The following FREM2 variants were observed in gnomAD, a reference collection of about 807,000 sequenced individuals.
The protein encoded by FREM2 is FRAS1 related extracellular matrix 2.
FREM2 carries 119 observed loss-of-function variants against 219.9 expected under a neutral mutation model. The ratio of observed to expected loss-of-function variants is 0.54; its 90% CI spans 0.47 to 0.63. The LOEUF is 0.63. FREM2 is among the 30% of genes least tolerant of loss of function. The probability of loss-of-function intolerance (pLI) is 0.00; values close to 1 mark genes in which losing one functional copy is unlikely to be tolerated. For synonymous variants in FREM2, 1,562 were observed against 1,522.8 expected, an observed-to-expected ratio of 1.03 and a Z score of -0.60; for missense variants, 4,030 against 3,993.6, an observed-to-expected ratio of 1.01 and a Z score of -0.25.
At position 38,688,352 on chromosome 13, in the gene FREM2, G is replaced by C. The variant is rs1869601475; in HGVS notation, c.1008G>C (p.Thr336=). ...TGGAGGTGGACCAGTTTGTACTGAC[G>C]GCCCTGACCCCAGACATGCTGGCAG... ...MMMEVDQFVL[T]ALTPDMLAAE... Residue 336 remains threonine (T), a synonymous_variant, in exon 1 of 24, where the codon ACG becomes ACC. Transcript: ENST00000280481. 6.8e-6 allele frequency: 11 copies of C among 1,614,162 alleles called. No homozygotes were observed. Among genetic ancestry groups the C allele is most frequent in the Non-Finnish European group, 9.3e-6 (11 of 1,180,026 alleles).
chr13:38,754,502 C>A (rs1010438490), intron 2 of FREM2, among the ~76,000 whole-genome samples: 1 of 152,130 alleles, frequency 6.6e-6, no homozygotes. Flanking sequence ...CACTTGAATG[C>A]TACATCTACC....
chr13:38,764,689 G>A (rs1015991146), intron 3 of FREM2, among the ~76,000 whole-genome samples: 7 of 152,108 alleles, frequency 4.6e-5, no homozygotes, highest in African/African-American at 7.2e-5. Flanking sequence ...AATAAGTTAC[G>A]AAACAAAAAT....
intron 2 of FREM2, among the ~76,000 whole-genome samples, chr13:38,703,724 T>G (rs1332591994): frequency 4.6e-5 from 7 of 152,198 alleles, no homozygotes; most frequent in African/African-American, 1.7e-4. Flanking sequence ...ATTCTTTAGA[T>G]TCATTCCAAA....
At position 38,703,747 on chromosome 13, in the gene FREM2, A is replaced by G. The variant is rs557214255; in HGVS notation, c.5263+5960A>G. Among the ~76,000 whole-genome samples the G allele has an allele frequency of 1.2e-4, 19 of 152,312 alleles. No homozygotes were observed. In the East Asian group the frequency reaches 3.7e-3, roughly 29 times the overall value. The stretch of plus-strand genomic sequence containing the variant: ...GATTCATTCCAAAATTATACATTAT[A>G]TGAATATACTGTTTTCATTGGCTTT... On this transcript the variant is annotated intron_variant, in intron 2 of 23. Transcript: ENST00000280481.
intron 2 of FREM2, among the ~76,000 whole-genome samples, chr13:38,747,197 A>T (rs1390415067): frequency 5.3e-5 from 8 of 152,116 alleles, no homozygotes. Context: ...TCACTTTGTT[A>T]TCATTAAGGT....
At chr13:38,772,685 C>A (rs999881842) in intron 4 of FREM2, among the ~76,000 whole-genome samples, 2 of 130,910 alleles carry the variant, frequency 1.5e-5, no homozygotes, top group African/African-American at 5.9e-5. Flanking sequence ...AAAGAACTTT[C>A]TTTTTTTCTC....
At chr13:38,871,234 C>A (rs1294683342) in intron 16 of FREM2, among the ~76,000 whole-genome samples, 2 of 152,234 alleles carry the variant, frequency 1.3e-5, no homozygotes, top group East Asian at 3.9e-4. Context: ...GGATTCAGGT[C>A]ATCATTTTTG....
chr13:38,743,027 A>C (rs1186749143), intron 2 of FREM2, among the ~76,000 whole-genome samples: 2 of 152,132 alleles, frequency 1.3e-5, no homozygotes, highest in Admixed American at 6.5e-5. Flanking sequence ...TTCTATATGG[A>C]TCACTGGTAA....
chr13:38,727,910 C>G (rs1489977737), intron 2 of FREM2, among the ~76,000 whole-genome samples: 1 of 152,146 alleles, frequency 6.6e-6, no homozygotes, highest in Admixed American at 6.5e-5. Context: ...CAAGTTAATC[C>G]AAGCTTGTAA....
intron 2 of FREM2, among the ~76,000 whole-genome samples, chr13:38,699,749 A>G (rs1328712103): frequency 6.6e-6 from 1 of 152,160 alleles, no homozygotes; most frequent in Admixed American, 6.6e-5. Flanking sequence ...GAGACCTGCA[A>G]GATTAAAAAG....
chr13:38,876,813 T>C (rs1878357373), intron 20 of FREM2, among the ~76,000 whole-genome samples: 1 of 152,192 alleles, frequency 6.6e-6, no homozygotes, highest in Non-Finnish European at 1.5e-5. Flanking sequence ...TCAAGAATTT[T>C]TACTGTTGGC....
intron 4 of FREM2, among the ~76,000 whole-genome samples, chr13:38,773,383 T>G (rs896656872): frequency 3.3e-5 from 5 of 151,556 alleles, no homozygotes; most frequent in Non-Finnish European, 7.4e-5. Context: ...GATTCTACAG[T>G]CTCCCCCACA....
chr13:38,821,598 G>A (rs1876059792), intron 6 of FREM2: 1 of 151,678 alleles, frequency 6.6e-6, no homozygotes, highest in South Asian at 2.1e-4. Context: ...CTCTGAAACA[G>A]GCGTTTGAAA....
intron 6 of FREM2, among the ~76,000 whole-genome samples, chr13:38,789,414 T>C (rs962617452): frequency 6.6e-6 from 1 of 151,840 alleles, no homozygotes; most frequent in East Asian, 1.9e-4. Context: ...TATTTATGTA[T>C]CCATTTTATT....
intron 16 of FREM2, among the ~76,000 whole-genome samples, chr13:38,870,965 AG>A (rs1878137376): frequency 6.6e-6 from 1 of 152,202 alleles, no homozygotes; most frequent in Non-Finnish European, 1.5e-5. Context: ...TAAAATTGTA[AG>A]GTAAAATATT....
intron 4 of FREM2, among the ~76,000 whole-genome samples, chr13:38,774,957 T>C (rs1873812536): frequency 6.6e-6 from 1 of 152,198 alleles, no homozygotes; most frequent in African/African-American, 2.4e-5. Context: ...CAGGAACCAG[T>C]GGATTAAATA....
At chr13:38,739,998 A>G (rs1872173869) in intron 2 of FREM2, among the ~76,000 whole-genome samples, 1 of 152,166 alleles carries the variant, frequency 6.6e-6, no homozygotes, top group Non-Finnish European at 1.5e-5. Context: ...TTCAGTTTAG[A>G]GTGGCTTGCA....
intron 20 of FREM2, 108 bp downstream of exon 20, chr13:38,876,490 T>C: frequency 1.1e-6 from 1 of 936,990 alleles, no homozygotes; most frequent in East Asian, 2.6e-5. Context: ...AATTCTTGCA[T>C]GCTGAAAAGA....
At chr13:38,809,331 C>T (rs544178085) in intron 6 of FREM2, among the ~76,000 whole-genome samples, 18 of 150,372 alleles carry the variant, frequency 1.2e-4, no homozygotes, top group Admixed American at 5.3e-4. Context: ...TTTGCAGGTA[C>T]GTAGTAGGTG....
Sources: gnomAD v4.1 joint callset for allele counts (sites outside exome capture counted in the v4.1 genomes callset) on GRCh38, gnomAD v4.1.1 for gene constraint, MANE v1.5 for transcripts, NCBI Gene and HGNC (gene_info 2026-07-23, HGNC 2026-07-21) for gene names.